SMOC2: variants seen among roughly 807,000 people sequenced by gnomAD.
SMOC2 encodes SPARC related modular calcium binding 2, also known as SPARC-related modular calcium-binding protein 2.
A neutral mutation model predicts 61.4 loss-of-function variants in SMOC2; 39 were observed. The ratio of observed to expected loss-of-function variants is 0.64; its 90% CI spans 0.49 to 0.83. The LOEUF is 0.83. Ranked by LOEUF, SMOC2 falls within the 40% of genes least tolerant of loss-of-function variation. SMOC2 has a pLI of 0.00. For missense variants in SMOC2, 556 were observed against 592.9 expected (o/e 0.94, Z 0.65); for synonymous variants, 247 against 239.9 (o/e 1.03, Z -0.27).
chr6:168,533,409 A>G (rs943946699), intron 4 of SMOC2, among the ~76,000 whole-genome samples: 1 of 152,228 alleles, frequency 6.6e-6, no homozygotes, highest in Non-Finnish European at 1.5e-5. Context: ...ATCCTAAATG[A>G]CTTCAGAAAA....
In SMOC2 at chr6:168,652,811, A is replaced by T. The variant is rs555577948; in HGVS notation, c.1011-143A>T. 7.7e-6 allele frequency: 5 copies of T among 652,684 alleles called. No individual in the cohort carries two copies. The African/African-American group carries it at 9.1e-5, about 12-fold the overall frequency. 40.4% of individuals were successfully genotyped at this position (652,684 alleles called of 1,614,324 possible). A position where few individuals can be genotyped will look rare whatever the true frequency, so the allele number is the denominator to read the frequency against. On this transcript the variant is annotated intron_variant, in intron 10 of 12. Coordinates refer to ENST00000356284, the MANE Select transcript of SMOC2 (RefSeq NM_001166412.2). ...TTCTAAATTATTTCTTTAAATTGTT[A>T]TATCTGATGACCAGTGCTGCAGGCT... is the stretch of plus-strand genomic sequence containing the variant.
At chr6:168,454,942 C>T (rs1200097617) in intron 1 of SMOC2, among the ~76,000 whole-genome samples, 3 of 151,598 alleles carry the variant, frequency 2.0e-5, no homozygotes, top group East Asian at 2.0e-4. Flanking sequence ...AGTGTGGGGC[C>T]GAGGGTCGGC....
chr6:168,640,363 G>A (rs1245500606), intron 9 of SMOC2, among the ~76,000 whole-genome samples: 2 of 152,126 alleles, frequency 1.3e-5, no homozygotes, highest in East Asian at 1.9e-4. Context: ...GGAAGCATGG[G>A]GCAGGCTGCG....
At chr6:168,642,391 C>T (rs1042568588) in intron 9 of SMOC2, among the ~76,000 whole-genome samples, 14 of 152,170 alleles carry the variant, frequency 9.2e-5, no homozygotes, top group African/African-American at 3.1e-4. Context: ...GGTCTGTTGA[C>T]GTCTCCACTT....
intron 4 of SMOC2, among the ~76,000 whole-genome samples, chr6:168,529,961 A>C (rs538273208): frequency 5.2e-5 from 8 of 152,382 alleles, no homozygotes; most frequent in Non-Finnish European, 1.0e-4. Context: ...CAGAATGGCT[A>C]ATCTGCAGTA....
intron 1 of SMOC2, among the ~76,000 whole-genome samples, chr6:168,509,409 C>G (rs544678506): frequency 6.6e-6 from 1 of 152,284 alleles, no homozygotes; most frequent in African/African-American, 2.4e-5. Context: ...GTAGATTTCA[C>G]CTACCTTCAG....
At chr6:168,467,476 T>G (rs1204959844) in intron 1 of SMOC2, among the ~76,000 whole-genome samples, 1 of 152,032 alleles carries the variant, frequency 6.6e-6, no homozygotes, top group Non-Finnish European at 1.5e-5. Flanking sequence ...CCGGCTAATT[T>G]TTTTTGTATT....
intron 9 of SMOC2, among the ~76,000 whole-genome samples, chr6:168,624,832 CACACAG>C (rs1469884859): frequency 1.4e-5 from 2 of 140,814 alleles, no homozygotes; most frequent in African/African-American, 5.8e-5. Flanking sequence ...CATACAGAAA[CACACAG>C]ACACAGGCAC....
At chr6:168,572,298 T>C (rs1252567625) in intron 7 of SMOC2, among the ~76,000 whole-genome samples, 22 of 33,148 alleles carry the variant, frequency 6.6e-4, no homozygotes, top group Admixed American at 8.4e-4. Context: ...ATGTTCACTT[T>C]CTCCCCGCAT....
In SMOC2 at chr6:168,544,192, T is replaced by C. The variant is rs1783940398; in HGVS notation, c.511+520T>C. Among the ~76,000 whole-genome samples the C allele has an allele frequency of 6.6e-6, 1 of 152,138 alleles. No homozygotes were observed. On this transcript the variant is annotated intron_variant, in intron 5 of 12. Coordinates refer to ENST00000356284, the MANE Select transcript of SMOC2 (RefSeq NM_001166412.2). The surrounding 1 kb of genome is among the most constrained non-coding windows in gnomAD (Gnocchi z 4.1). ...CCTGTTTCGGGGTCTGCGGGGTCTG[T>C]CACATGCCCACCATGACCCCCCTGG...
chr6:168,492,246 C>T (rs1361596244), intron 1 of SMOC2, among the ~76,000 whole-genome samples: 2 of 152,114 alleles, frequency 1.3e-5, no homozygotes, highest in Admixed American at 6.5e-5. Flanking sequence ...ATGAGAATAC[C>T]GTTGGCTGGC....
chr6:168,530,559 T>C (rs1176262479), intron 4 of SMOC2, among the ~76,000 whole-genome samples: 2 of 151,110 alleles, frequency 1.3e-5, no homozygotes, highest in South Asian at 2.1e-4. Context: ...GAACTGCAAA[T>C]TAAAGTCACA....
intron 9 of SMOC2, among the ~76,000 whole-genome samples, chr6:168,640,751 GA>G (rs1452801535): frequency 2.6e-5 from 4 of 152,080 alleles, no homozygotes; most frequent in Admixed American, 6.6e-5. Flanking sequence ...GAATGTTGTA[GA>G]AAAAAACTAT....
At chr6:168,624,592 A>G (rs1189504345) in intron 9 of SMOC2, among the ~76,000 whole-genome samples, 1 of 115,556 alleles carries the variant, frequency 8.7e-6, no homozygotes, top group Non-Finnish European at 1.9e-5. Flanking sequence ...AGATACACAG[A>G]CACAGATGTG....
At chr6:168,505,930 T>G (rs1258011610) in intron 1 of SMOC2, among the ~76,000 whole-genome samples, 1 of 152,214 alleles carries the variant, frequency 6.6e-6, no homozygotes, top group African/African-American at 2.4e-5. Context: ...TCTTCCTGTG[T>G]GCACCTCCCA....
At chr6:168,448,061 C>T (rs924711672) in intron 1 of SMOC2, among the ~76,000 whole-genome samples, 1 of 152,184 alleles carries the variant, frequency 6.6e-6, no homozygotes, top group African/African-American at 2.4e-5. Flanking sequence ...TATCAGCCCA[C>T]AGTGGACCAG....
chr6:168,505,317 G>A (rs898707401), intron 1 of SMOC2, among the ~76,000 whole-genome samples: 1 of 151,968 alleles, frequency 6.6e-6, no homozygotes, highest in African/African-American at 2.4e-5. Flanking sequence ...TCAGATGCTG[G>A]ATGAATGACT....
intron 7 of SMOC2, among the ~76,000 whole-genome samples, chr6:168,559,991 G>A (rs929346134): frequency 4.6e-5 from 7 of 152,164 alleles, no homozygotes; most frequent in Non-Finnish European, 7.3e-5. Context: ...CATTTGCTGA[G>A]GAATTTTATT....
intron 1 of SMOC2, among the ~76,000 whole-genome samples, chr6:168,491,832 T>A (rs1482061690): frequency 6.6e-6 from 1 of 152,180 alleles, no homozygotes; most frequent in Non-Finnish European, 1.5e-5. Flanking sequence ...GCAGAAATGA[T>A]AAACCCCATG....
Sources: allele counts gnomAD v4.1 joint callset (sites outside exome capture counted in the v4.1 genomes callset), GRCh38; gene constraint gnomAD v4.1.1; non-coding constraint Gnocchi (gnomAD v3.1); transcripts MANE v1.5; gene names NCBI Gene and HGNC (gene_info 2026-07-23, HGNC 2026-07-21).